FOXN3: variants seen among roughly 807,000 people sequenced by gnomAD.
FOXN3 encodes forkhead box protein N3.
A neutral mutation model predicts 38.4 loss-of-function variants in FOXN3; 7 were observed. The ratio of observed to expected loss-of-function variants is 0.18; its 90% CI spans 0.10 to 0.34. The LOEUF is 0.34. Among genes scored for constraint, FOXN3 ranks in the 10% least tolerant of loss-of-function variants. FOXN3 has a pLI of 1.00. For synonymous variants in FOXN3, 230 were observed against 242.2 expected, an observed-to-expected ratio of 0.95 and a Z score of 0.47; for missense variants, 456 against 613.4, an observed-to-expected ratio of 0.74 and a Z score of 2.71.
chr14:89,584,376 G>C (rs1008252430), intron 1 of FOXN3, among the ~76,000 whole-genome samples: 3 of 152,038 alleles, frequency 2.0e-5, no homozygotes, highest in African/African-American at 7.2e-5. Context: ...ACGCCAGCCT[G>C]GGCGACCCAG....
chr14:89,513,610 T>C (rs937202090), intron 1 of FOXN3, among the ~76,000 whole-genome samples: 1 of 152,050 alleles, frequency 6.6e-6, no homozygotes, highest in Non-Finnish European at 1.5e-5. Context: ...TATTTATTTT[T>C]TGAGACGGAA....
At chr14:89,165,334 T>C (rs906012786) in intron 5 of FOXN3, among the ~76,000 whole-genome samples, 1 of 152,240 alleles carries the variant, frequency 6.6e-6, no homozygotes, top group Admixed American at 6.5e-5. Context: ...GAGGATTAAA[T>C]GAACTGTCCT....
In FOXN3 at chr14:89,377,020, C is replaced by CAAAAAAAAAAAAAAAAAAAAAAAAAAAA. The variant is rs59105357; in HGVS notation, c.544-26240_544-26213dup. ...TGAGCAAAAGATCAAGACTCTGTCTCAAAAAAAAAAAAAAAAAAAAAAAAA... is the reference window on the plus strand; with the variant it reads ...TGAGCAAAAGATCAAGACTCTGTCTCAAAAAAAAAAAAAAAAAAAAAAAAAAAAAAAAAAAAAAAAAAAAAAAAAAAAA... On this transcript the variant is annotated intron_variant, in intron 2 of 5. Transcript: ENST00000557258. Among the ~76,000 whole-genome samples the CAAAAAAAAAAAAAAAAAAAAAAAAAAAA allele has an allele frequency of 8.4e-4, 36 of 42,780 alleles. 3 individuals are homozygous for CAAAAAAAAAAAAAAAAAAAAAAAAAAAA. The highest frequency in any genetic ancestry group is 1.7e-3 in the Admixed American group (5 of 2,864). The allele number at this position is 42,780 out of a possible 152,430, so 28.1% of individuals were successfully genotyped here. A position where few individuals can be genotyped will look rare whatever the true frequency, so the allele number is the denominator to read the frequency against.
intron 5 of FOXN3, among the ~76,000 whole-genome samples, chr14:89,171,664 C>T (rs1708318286): frequency 1.3e-5 from 2 of 152,076 alleles, no homozygotes; most frequent in African/African-American, 4.8e-5. Flanking sequence ...CTTAACAATG[C>T]AAACTTTTTT....
At chr14:89,287,873 A>G (rs1305670829) in intron 3 of FOXN3, among the ~76,000 whole-genome samples, 2 of 152,002 alleles carry the variant, frequency 1.3e-5, no homozygotes, top group East Asian at 3.9e-4. Flanking sequence ...AAACGTTAAA[A>G]ATAAAACATT....
At chr14:89,187,886 C>T (rs1174721777) in intron 4 of FOXN3, among the ~76,000 whole-genome samples, 1 of 152,172 alleles carries the variant, frequency 6.6e-6, no homozygotes, top group East Asian at 1.9e-4. Flanking sequence ...TGTACTTGCC[C>T]TTGACCTCCA....
intron 1 of FOXN3, among the ~76,000 whole-genome samples, chr14:89,507,134 G>GA (rs1196683152): frequency 2.3e-3 from 221 of 97,044 alleles, no homozygotes; most frequent in East Asian, 5.9e-3. Context: ...AAAAAAAAAA[G>GA]AAAAAAAAAA....
chr14:89,608,992 C>T (rs1478263579), intron 1 of FOXN3, among the ~76,000 whole-genome samples: 1 of 152,106 alleles, frequency 6.6e-6, no homozygotes, highest in Non-Finnish European at 1.5e-5. Flanking sequence ...AAAGTGGTGA[C>T]TGTACAACAT....
At chr14:89,557,941 G>A (rs1000914315) in intron 1 of FOXN3, among the ~76,000 whole-genome samples, 2 of 152,158 alleles carry the variant, frequency 1.3e-5, no homozygotes, top group African/African-American at 4.8e-5. Context: ...GGGAAGCGGA[G>A]GTTGCAGTAA....
chr14:89,587,728 G>A (rs1317257374), intron 1 of FOXN3, among the ~76,000 whole-genome samples: 3 of 152,072 alleles, frequency 2.0e-5, no homozygotes, highest in Non-Finnish European at 4.4e-5. Context: ...TTAGCCAGGT[G>A]TGGTGGCATG....
At chr14:89,200,946 A>G (rs1371184197) in intron 4 of FOXN3, among the ~76,000 whole-genome samples, 1 of 152,184 alleles carries the variant, frequency 6.6e-6, no homozygotes, top group African/African-American at 2.4e-5. Flanking sequence ...CTAAACTTCT[A>G]GATTTGAAGC....
intron 4 of FOXN3, among the ~76,000 whole-genome samples, chr14:89,209,581 A>G (rs1456166769): frequency 1.3e-5 from 2 of 152,234 alleles, no homozygotes; most frequent in Non-Finnish European, 2.9e-5. Context: ...TACAGTTTTT[A>G]CCAATATGCT....
At chr14:89,613,648 G>A (rs1896439135) in intron 1 of FOXN3, among the ~76,000 whole-genome samples, 1 of 151,978 alleles carries the variant, frequency 6.6e-6, no homozygotes, top group South Asian at 2.1e-4. Flanking sequence ...ACAAATTGTT[G>A]GAAGATCTTT....
intron 4 of FOXN3, among the ~76,000 whole-genome samples, chr14:89,266,445 C>T (rs1008029512): frequency 4.6e-5 from 7 of 151,890 alleles, no homozygotes; most frequent in Admixed American, 1.3e-4. Context: ...ACATGCGGGG[C>T]GGTGGTGGTG....
intron 5 of FOXN3, among the ~76,000 whole-genome samples, chr14:89,165,219 C>T (rs1887209609): frequency 6.6e-6 from 1 of 152,204 alleles, no homozygotes; most frequent in Non-Finnish European, 1.5e-5. Context: ...GCTTGCAAGC[C>T]ACACACGCCT....
rs535974143 is a variant in FOXN3, at chr14:89,503,148, C to T, written c.-14-90658G>A. Among the ~76,000 whole-genome samples, 91 of 152,246 alleles carry T rather than the reference C, an allele frequency of 6.0e-4. No individual in the cohort carries two copies. In the Middle Eastern group the frequency reaches 0.01, roughly 17 times the overall value. ...AGACGACAAAGGCTCCTCCCTCCAC[C>T]CAAAGCTCCCGGCCAGCAGAGGTGG... On this transcript the variant is annotated intron_variant, in intron 1 of 6. Coordinates refer to the FOXN3 transcript ENST00000345097.
At chr14:89,354,383 G>T (rs976788326) in intron 2 of FOXN3, among the ~76,000 whole-genome samples, 2 of 149,458 alleles carry the variant, frequency 1.3e-5, no homozygotes, top group Non-Finnish European at 3.0e-5. Context: ...CCGCCACCAC[G>T]CCCGGCTAAT....
intron 1 of FOXN3, among the ~76,000 whole-genome samples, chr14:89,423,742 G>C (rs1455485848): frequency 6.6e-6 from 1 of 152,202 alleles, no homozygotes; most frequent in Non-Finnish European, 1.5e-5. Context: ...AGACTTAAAA[G>C]AACTAACCAT....
chr14:89,379,949 C>T (rs12437089), intron 2 of FOXN3, among the ~76,000 whole-genome samples: 3,174 of 152,332 alleles, frequency 0.021, 117 homozygotes, highest in African/African-American at 0.071. Context: ...GCGTGAGCCA[C>T]TGTGCCTGGC....
Sources: allele counts gnomAD v4.1 joint callset (sites outside exome capture counted in the v4.1 genomes callset), GRCh38; gene constraint gnomAD v4.1.1; transcripts MANE v1.5; gene names NCBI Gene and HGNC (gene_info 2026-07-23, HGNC 2026-07-21).